Variants in MLLT10 observed in about 807,000 individuals in gnomAD.
MLLT10 encodes the protein MLLT10 histone lysine methyltransferase DOT1L cofactor.
Under a neutral mutation model 129.1 loss-of-function variants are expected in MLLT10, and 30 were observed. The ratio of observed to expected loss-of-function variants is 0.23; its 90% CI spans 0.17 to 0.32. The LOEUF is 0.32. Among genes scored for constraint, MLLT10 ranks in the 10% least tolerant of loss-of-function variants. The pLI, the probability that MLLT10 is intolerant of heterozygous loss-of-function variation, is 1.00. For missense variants in MLLT10, 1,119 were observed against 1,268.3 expected, an observed-to-expected ratio of 0.88 and a Z score of 1.79; for synonymous variants, 490 against 446.4, an observed-to-expected ratio of 1.10 and a Z score of -1.23.
intron 13 of MLLT10, among the ~76,000 whole-genome samples, chr10:21,699,518 T>TTA (rs2131465942): frequency 6.6e-6 from 1 of 152,320 alleles, no homozygotes; most frequent in South Asian, 2.1e-4. Context: ...GGTCTTATGT[T>TTA]TAAGTCTGTA....
At chr10:21,550,547 T>G (rs2036833309) in intron 3 of MLLT10, among the ~76,000 whole-genome samples, 1 of 152,202 alleles carries the variant, frequency 6.6e-6, no homozygotes, top group Admixed American at 6.5e-5. Context: ...TTTGTTTGTT[T>G]TTGAGACAGG....
At chr10:21,554,542 C>T (rs1218345658) in intron 3 of MLLT10, among the ~76,000 whole-genome samples, 2 of 151,790 alleles carry the variant, frequency 1.3e-5, no homozygotes, top group African/African-American at 4.8e-5. Context: ...CAACCTCCGC[C>T]TTCCGGGTTC....
intron 3 of MLLT10, chr10:21,541,270 T>C (rs1004564166): frequency 2.8e-4 from 42 of 152,314 alleles, no homozygotes; most frequent in African/African-American, 1.0e-3. Context: ...CAGGCTGGAG[T>C]GGAGTGGCGC....
chr10:21,616,556 T>C (rs2045278045), intron 7 of MLLT10, among the ~76,000 whole-genome samples: 1 of 152,132 alleles, frequency 6.6e-6, no homozygotes. Flanking sequence ...GAAAAGTGCA[T>C]GAGTCTAATA....
chr10:21,564,067 C>T (rs1300398176), intron 3 of MLLT10, among the ~76,000 whole-genome samples: 2 of 152,110 alleles, frequency 1.3e-5, no homozygotes, highest in East Asian at 3.9e-4. Context: ...CCGCCTTGGC[C>T]TCCCAAAGTG....
chr10:21,557,012 C>A, intron 3 of MLLT10: 1 of 1,470,288 alleles, frequency 6.8e-7, no homozygotes. Context: ...TTTTGTTTTA[C>A]CAAGTACTAG....
chr10:21,542,060 A>G (rs576729960), intron 3 of MLLT10, among the ~76,000 whole-genome samples: 2 of 152,154 alleles, frequency 1.3e-5, no homozygotes, highest in Non-Finnish European at 2.9e-5. Flanking sequence ...AAACACTGAC[A>G]ATGAGATGAG....
At chr10:21,719,422 TCA>T (rs768026233) in intron 14 of MLLT10, among the ~76,000 whole-genome samples, 1 of 152,236 alleles carries the variant, frequency 6.6e-6, no homozygotes, top group Non-Finnish European at 1.5e-5. Flanking sequence ...AAAGGTTCAG[TCA>T]CAGTCACATA....
At chr10:21,621,074 T>A (rs150915050) in intron 8 of MLLT10, among the ~76,000 whole-genome samples, 1 of 146,944 alleles carries the variant, frequency 6.8e-6, no homozygotes, top group Non-Finnish European at 1.5e-5. Context: ...AAGCTCCGCC[T>A]CCGGGTTCAC....
chr10:21,569,582 G>A (rs1182892039), intron 3 of MLLT10, among the ~76,000 whole-genome samples: 3 of 151,474 alleles, frequency 2.0e-5, no homozygotes, highest in Admixed American at 6.6e-5. Context: ...CATCATGCCC[G>A]GCTAATTTTT....
chr10:21,617,636 T>C (rs563825971), intron 8 of MLLT10, among the ~76,000 whole-genome samples: 1 of 152,308 alleles, frequency 6.6e-6, no homozygotes, highest in Non-Finnish European at 1.5e-5. Context: ...GCTACTGGTT[T>C]ATTAATTTTT....
chr10:21,655,688 GT>G (rs1282919787), intron 9 of MLLT10, among the ~76,000 whole-genome samples: 2 of 152,226 alleles, frequency 1.3e-5, no homozygotes, highest in East Asian at 1.9e-4. Context: ...TTGCTGAAAG[GT>G]TTTAGAGAGT....
At chr10:21,629,134 G>C (rs2046767730) in intron 8 of MLLT10, among the ~76,000 whole-genome samples, 1 of 151,682 alleles carries the variant, frequency 6.6e-6, no homozygotes, top group South Asian at 2.1e-4. Context: ...TTTTCTTAGG[G>C]CCTTTTGAGT....
At chr10:21,625,450 G>T in intron 8 of MLLT10, 1 of 965,006 alleles carries the variant, frequency 1.0e-6, no homozygotes, top group South Asian at 1.3e-5. Context: ...CCTTAGCCAT[G>T]ACTTCTGGAT....
At chr10:21,665,303 G>GC (rs1030426374) in intron 9 of MLLT10, among the ~76,000 whole-genome samples, 2 of 45,662 alleles carry the variant, frequency 4.4e-5, no homozygotes, top group Admixed American at 4.5e-4. Flanking sequence ...GTTTTTTTTG[G>GC]GGGGGGGGGG....
chr10:21,704,026 T>TTG (rs1554856179), intron 13 of MLLT10, among the ~76,000 whole-genome samples: 17 of 137,092 alleles, frequency 1.2e-4, no homozygotes, highest in East Asian at 4.3e-4. Context: ...GTTTTTTTTT[T>TTG]TTTTTTTTTT....
At chr10:21,610,491 T>A (rs1200134666) in intron 5 of MLLT10, among the ~76,000 whole-genome samples, 2 of 152,204 alleles carry the variant, frequency 1.3e-5, no homozygotes, top group Non-Finnish European at 2.9e-5. Context: ...TTTAGTAGAT[T>A]TACTTGGGTA....
intron 3 of MLLT10, among the ~76,000 whole-genome samples, chr10:21,540,760 T>G (rs2035007250): frequency 6.6e-6 from 1 of 152,216 alleles, no homozygotes; most frequent in Admixed American, 6.5e-5. Flanking sequence ...CCCTTGGTGT[T>G]GATTATGGAA....
chr10:21,612,280 T>A, intron 5 of MLLT10, 68 bp from the exon 6 acceptor site: 1 of 915,478 alleles, frequency 1.1e-6, no homozygotes, highest in Non-Finnish European at 1.7e-6. Context: ...TTTCTGAAGA[T>A]AATTGTAAAA....
Sources: allele counts gnomAD v4.1 joint callset (sites outside exome capture counted in the v4.1 genomes callset), GRCh38; gene constraint gnomAD v4.1.1; transcripts MANE v1.5; gene names NCBI Gene and HGNC (gene_info 2026-07-23, HGNC 2026-07-21).